BLNK: variants seen among roughly 807,000 people sequenced by gnomAD.
The protein encoded by BLNK is B cell linker.
A neutral mutation model predicts 73.5 loss-of-function variants in BLNK; 29 were observed. The observed-to-expected ratio is 0.39, with a 90% CI of 0.29 to 0.54. BLNK has a LOEUF of 0.54. Among genes scored for constraint, BLNK ranks in the 20% least tolerant of loss-of-function variants. The pLI is 0.61. For synonymous variants in BLNK, 176 were observed against 200.8 expected (o/e 0.88, Z 1.04); for missense variants, 460 against 562.8 (o/e 0.82, Z 1.85).
At chr10:96,228,059 G>A (rs1051654051) in intron 4 of BLNK, among the ~76,000 whole-genome samples, 2 of 150,862 alleles carry the variant, frequency 1.3e-5, no homozygotes, top group Non-Finnish European at 2.9e-5. Flanking sequence ...CAGGGTCAAG[G>A]CTTCAAATGG....
intron 16 of BLNK, among the ~76,000 whole-genome samples, chr10:96,194,945 A>AT (rs2083426653): frequency 6.6e-6 from 1 of 151,002 alleles, no homozygotes; most frequent in Non-Finnish European, 1.5e-5. Flanking sequence ...TAATTTTTGT[A>AT]TTTTTAGTAG....
At chr10:96,268,905 A>G (rs1249771427) in intron 1 of BLNK, among the ~76,000 whole-genome samples, 1 of 152,166 alleles carries the variant, frequency 6.6e-6, no homozygotes, top group African/African-American at 2.4e-5. Context: ...GTCCACTTTT[A>G]TGGTCATCTG....
chr10:96,216,582 C>T, intron 7 of BLNK, 71 bp downstream of exon 7: 17 of 1,342,308 alleles, frequency 1.3e-5, no homozygotes, highest in Non-Finnish European at 1.8e-5. Flanking sequence ...TTAGTGCTTA[C>T]TACCAAATAC....
At chr10:96,209,992 C>A in intron 8 of BLNK, 85 bp from the exon 9 acceptor site, 1 of 1,411,832 alleles carries the variant, frequency 7.1e-7, no homozygotes, top group Non-Finnish European at 1.0e-6. Flanking sequence ...CTGGCAGGCT[C>A]AGAAATATTT....
At chr10:96,252,755 C>A (rs980261654) in intron 1 of BLNK, among the ~76,000 whole-genome samples, 4 of 152,150 alleles carry the variant, frequency 2.6e-5, no homozygotes, top group Admixed American at 2.0e-4. Context: ...CCTCTCCTTG[C>A]GTGACAATGG....
Position 96,190,697 on chromosome 10 carries a change from T to C in BLNK, c.*1276A>G, listed in dbSNP as rs2083314088. Among the ~76,000 whole-genome samples, 2 of 152,248 alleles carry C rather than the reference T, an allele frequency of 1.3e-5. No individual in the cohort carries two copies. On this transcript the variant is annotated 3_prime_UTR_variant, in exon 17 of 17. Coordinates refer to ENST00000224337, the MANE Select transcript of BLNK (RefSeq NM_013314.4). ...ATGCAGTGGCCAAGTGTGTTCCCCATTTAATTATTAGACTTAATTAGCTGC... is the reference window on the plus strand; with the variant it reads ...ATGCAGTGGCCAAGTGTGTTCCCCACTTAATTATTAGACTTAATTAGCTGC...
intron 2 of BLNK, among the ~76,000 whole-genome samples, chr10:96,244,054 C>G (rs1842961350): frequency 1.3e-5 from 2 of 151,996 alleles, no homozygotes; most frequent in African/African-American, 4.8e-5. Context: ...ATTTACAAAC[C>G]AAAATTGTAA....
chr10:96,218,446 T>A (rs942461188), intron 6 of BLNK, among the ~76,000 whole-genome samples: 7 of 152,122 alleles, frequency 4.6e-5, no homozygotes, highest in African/African-American at 1.7e-4. Context: ...ATCCCAGAAC[T>A]TTGGGAGGCT....
At chr10:96,227,384 G>C in intron 5 of BLNK, 26 bp downstream of exon 5, 1 of 1,610,290 alleles carries the variant, frequency 6.2e-7, no homozygotes, top group Non-Finnish European at 8.5e-7. Flanking sequence ...GGAAGGCCGA[G>C]TGCCCAGGTC....
At chr10:96,198,778 A>G (rs1168183072) in intron 15 of BLNK, among the ~76,000 whole-genome samples, 1 of 152,194 alleles carries the variant, frequency 6.6e-6, no homozygotes, top group Non-Finnish European at 1.5e-5. Flanking sequence ...GGCTCACTGC[A>G]ACTTCCGCCT....
intron 3 of BLNK, chr10:96,238,900 GC>G (rs1257902115): frequency 2.6e-6 from 1 of 378,924 alleles, no homozygotes; most frequent in Non-Finnish European, 4.7e-6. Context: ...GTGGTTTATA[GC>G]AGGGTTTCTT....
At chr10:96,241,829 C>T (rs1464482548) in intron 3 of BLNK, among the ~76,000 whole-genome samples, 2 of 151,786 alleles carry the variant, frequency 1.3e-5, no homozygotes, top group Non-Finnish European at 2.9e-5. Flanking sequence ...CTCAGTGATC[C>T]TCCCACCTCA....
rs138276112 is a variant in BLNK at position 96,196,110 on chromosome 10, A to C, written c.1251+798T>G. On this transcript the variant is annotated intron_variant, in intron 16 of 16. Transcript: ENST00000224337. ...GGAATGGTGTACCTTTTTCTGAAGG[A>C]ATCTTGAAAGTAAATATTTCTTACC... 1.9e-3 allele frequency among the ~76,000 whole-genome samples: 289 copies of C among 152,342 alleles called. 4 individuals carry two copies. The South Asian group carries it at 0.031, about 16-fold the overall frequency.
At chr10:96,239,963 C>T (rs1842831623) in intron 3 of BLNK, among the ~76,000 whole-genome samples, 1 of 152,146 alleles carries the variant, frequency 6.6e-6, no homozygotes, top group South Asian at 2.1e-4. Context: ...ATCTCTGATG[C>T]TGTTGGTTCA....
chr10:96,211,547 C>G (rs587624943), intron 8 of BLNK, among the ~76,000 whole-genome samples: 1 of 152,302 alleles, frequency 6.6e-6, no homozygotes, highest in East Asian at 1.9e-4. Flanking sequence ...CTACTCAGAG[C>G]CCACTGACTC....
chr10:96,223,308 A>G (rs908553275), intron 6 of BLNK, among the ~76,000 whole-genome samples: 15 of 151,938 alleles, frequency 9.9e-5, no homozygotes, highest in Non-Finnish European at 2.1e-4. Context: ...AGTGTATAAA[A>G]CCCCAACTCA....
chr10:96,208,625 G>C (rs1332238709), intron 9 of BLNK, among the ~76,000 whole-genome samples: 1 of 152,078 alleles, frequency 6.6e-6, no homozygotes, highest in African/African-American at 2.4e-5. Context: ...TCTAATATTG[G>C]TAAGGTTGTA....
chr10:96,257,291 C>T (rs1303278633), intron 1 of BLNK, among the ~76,000 whole-genome samples: 2 of 152,098 alleles, frequency 1.3e-5, no homozygotes, highest in East Asian at 1.9e-4. Context: ...GACCTTTCCT[C>T]GGGGTGTGTC....
intron 2 of BLNK, among the ~76,000 whole-genome samples, chr10:96,243,207 G>A (rs1404032419): frequency 4.0e-5 from 6 of 151,780 alleles, no homozygotes; most frequent in East Asian, 1.9e-4. Context: ...TACAATAAGC[G>A]TTTTGGTTGT....
Sources: gnomAD v4.1 joint callset for allele counts (sites outside exome capture counted in the v4.1 genomes callset) on GRCh38, gnomAD v4.1.1 for gene constraint, MANE v1.5 for transcripts, NCBI Gene and HGNC (gene_info 2026-07-23, HGNC 2026-07-21) for gene names.